The following TBC1D5 variants were observed in gnomAD, a reference collection of about 807,000 sequenced individuals.
TBC1D5 encodes TBC1 domain family, member 5.
In TBC1D5, 75 loss-of-function variants were observed where a neutral mutation model predicts 100.3. That is an observed-to-expected ratio of 0.75 (90% CI 0.62 to 0.91). The LOEUF (loss-of-function observed/expected upper bound fraction) is 0.91. Ranked by LOEUF, TBC1D5 falls within the 40% of genes least tolerant of loss-of-function variation. The pLI, the probability that TBC1D5 is intolerant of heterozygous loss-of-function variation, is 0.00. For missense variants in TBC1D5, 910 were observed against 942.4 expected, an observed-to-expected ratio of 0.97 and a Z score of 0.45; for synonymous variants, 323 against 325.6, an observed-to-expected ratio of 0.99 and a Z score of 0.09.
At chr3:17,471,127 G>A (rs1046512826) in intron 3 of TBC1D5, among the ~76,000 whole-genome samples, 1 of 152,140 alleles carries the variant, frequency 6.6e-6, no homozygotes, top group African/African-American at 2.4e-5. Context: ...TTTCTGCTAG[G>A]TGATCACACC....
chr3:17,717,781 G>A (rs567781855), intron 1 of TBC1D5, among the ~76,000 whole-genome samples: 3 of 152,070 alleles, frequency 2.0e-5, no homozygotes, highest in East Asian at 1.9e-4. Context: ...CCACTCTAAG[G>A]AATATATTTT....
At chr3:17,413,539 T>C (rs2093990696) in intron 4 of TBC1D5, among the ~76,000 whole-genome samples, 1 of 134,756 alleles carries the variant, frequency 7.4e-6, no homozygotes, top group Admixed American at 7.0e-5. Flanking sequence ...AACATATAAT[T>C]AAATAGTAGT....
At chr3:17,523,909 T>C (rs938888045) in intron 2 of TBC1D5, among the ~76,000 whole-genome samples, 1 of 152,202 alleles carries the variant, frequency 6.6e-6, no homozygotes. Flanking sequence ...ATATTTGTGT[T>C]ATTAAACTTT....
At chr3:17,570,221 C>A (rs1324553136) in intron 2 of TBC1D5, among the ~76,000 whole-genome samples, 1 of 151,900 alleles carries the variant, frequency 6.6e-6, no homozygotes, top group Admixed American at 6.6e-5. Context: ...TAAGCAAGAA[C>A]CAAGATACAA....
chr3:17,455,506 G>GTATATATA (rs1359375004), intron 3 of TBC1D5, among the ~76,000 whole-genome samples: 1,275 of 121,068 alleles, frequency 0.011, 26 homozygotes, highest in African/African-American at 0.043. Flanking sequence ...ATATATATGT[G>GTATATATA]TGTGTGTATA....
chr3:17,236,485 C>A (rs1043774374), intron 17 of TBC1D5, among the ~76,000 whole-genome samples: 1 of 150,870 alleles, frequency 6.6e-6, no homozygotes, highest in Non-Finnish European at 1.5e-5. Flanking sequence ...TAATTTTCAA[C>A]GAGATTTTTT....
intron 1 of TBC1D5, among the ~76,000 whole-genome samples, chr3:17,632,349 A>T (rs981849085): frequency 5.2e-4 from 79 of 152,344 alleles, no homozygotes; most frequent in Admixed American, 2.3e-3. Context: ...TGAGCAAAAA[A>T]GTAGTCTCTT....
At chr3:17,286,717 T>G (rs552490757) in intron 15 of TBC1D5, among the ~76,000 whole-genome samples, 1 of 152,314 alleles carries the variant, frequency 6.6e-6, no homozygotes, top group Non-Finnish European at 1.5e-5. Context: ...TTATTACAGA[T>G]GAAGAATTTC....
At chr3:17,223,753 C>T (rs1394145308) in intron 17 of TBC1D5, among the ~76,000 whole-genome samples, 1 of 151,896 alleles carries the variant, frequency 6.6e-6, no homozygotes, top group South Asian at 2.1e-4. Context: ...CCCAGCTACT[C>T]GAGCAGAGTC....
chr3:17,595,596 T>C (rs993097649), intron 2 of TBC1D5, among the ~76,000 whole-genome samples: 1 of 152,210 alleles, frequency 6.6e-6, no homozygotes, highest in Admixed American at 6.5e-5. Flanking sequence ...ATGCTTTAGG[T>C]CATCAATCTT....
intron 2 of TBC1D5, among the ~76,000 whole-genome samples, chr3:17,572,065 T>G (rs964765700): frequency 5.3e-5 from 8 of 151,980 alleles, no homozygotes; most frequent in African/African-American, 1.9e-4. Flanking sequence ...AAAACAGCAT[T>G]GCAGTCTGAG....
intron 9 of TBC1D5, 58 bp from the exon 10 acceptor site, chr3:17,376,671 C>T: frequency 6.7e-7 from 1 of 1,492,662 alleles, no homozygotes; most frequent in East Asian, 2.3e-5. Flanking sequence ...CATTAGTGGA[C>T]AGTATAAACT....
chr3:17,686,268 A>G (rs1199236146), intron 1 of TBC1D5, among the ~76,000 whole-genome samples: 1 of 152,130 alleles, frequency 6.6e-6, no homozygotes, highest in African/African-American at 2.4e-5. Flanking sequence ...AACTGACCTC[A>G]TAAATCAGCC....
At chr3:17,682,590 T>C (rs1366860168) in intron 1 of TBC1D5, among the ~76,000 whole-genome samples, 2 of 151,294 alleles carry the variant, frequency 1.3e-5, no homozygotes, top group Non-Finnish European at 2.9e-5. Context: ...ACAAGACTAT[T>C]AGAAATTACT....
chr3:17,171,951 A>G (rs1044813554), intron 19 of TBC1D5, among the ~76,000 whole-genome samples: 1 of 152,188 alleles, frequency 6.6e-6, no homozygotes, highest in Non-Finnish European at 1.5e-5. Flanking sequence ...GAGTGGGTGC[A>G]CCCAAGAAGA....
chr3:17,336,989 T>C (rs940896020), intron 13 of TBC1D5, among the ~76,000 whole-genome samples: 1 of 152,096 alleles, frequency 6.6e-6, no homozygotes, highest in African/African-American at 2.4e-5. Flanking sequence ...TCTGGCTTTA[T>C]TATTCCTTCC....
chr3:17,697,460 A>G (rs2072312149), intron 1 of TBC1D5, among the ~76,000 whole-genome samples: 1 of 152,226 alleles, frequency 6.6e-6, no homozygotes, highest in Admixed American at 6.5e-5. Flanking sequence ...ATATACAAAT[A>G]ACAGACAAAC....
chr3:17,462,411 TC>T (rs1488219705), intron 3 of TBC1D5, among the ~76,000 whole-genome samples: 3 of 149,172 alleles, frequency 2.0e-5, no homozygotes, highest in African/African-American at 7.5e-5. Flanking sequence ...AGCCTCAAAC[TC>T]CCAGGCTCAA....
chr3:17,409,008 T>C (rs2093850039), intron 4 of TBC1D5, among the ~76,000 whole-genome samples: 2 of 152,298 alleles, frequency 1.3e-5, no homozygotes, highest in East Asian at 1.9e-4. Flanking sequence ...TTCAAATTTA[T>C]TGTCTAGTTT....
Sources: gnomAD v4.1 joint callset for allele counts (sites outside exome capture counted in the v4.1 genomes callset) on GRCh38, gnomAD v4.1.1 for gene constraint, MANE v1.5 for transcripts, NCBI Gene and HGNC (gene_info 2026-07-23, HGNC 2026-07-21) for gene names.